SGCZ: variants seen among roughly 807,000 people sequenced by gnomAD.
SGCZ encodes the protein sarcoglycan zeta, also known as zeta-sarcoglycan.
In SGCZ, 40 loss-of-function variants were observed where a neutral mutation model predicts 41.3. The observed-to-expected ratio is 0.97, with a 90% confidence interval of 0.75 to 1.26. The LOEUF (loss-of-function observed/expected upper bound fraction) is 1.26, where lower values mean the gene tolerates loss of function less well. Among genes scored for constraint, SGCZ ranks in the 50% most tolerant of loss-of-function variants. The pLI is 0.00. For missense variants in SGCZ, 552 were observed against 369.8 expected (o/e 1.49, Z -4.04); for synonymous variants, 206 against 137.5 (o/e 1.50, Z -3.49).
At chr8:15,125,186 G>C (rs537998309) in intron 1 of SGCZ, among the ~76,000 whole-genome samples, 1 of 151,998 alleles carries the variant, frequency 6.6e-6, no homozygotes, top group Non-Finnish European at 1.5e-5. Flanking sequence ...GGAGATGATC[G>C]AATTACAAAA....
At chr8:14,552,417 C>T (rs1440395761) in intron 2 of SGCZ, among the ~76,000 whole-genome samples, 2 of 152,024 alleles carry the variant, frequency 1.3e-5, no homozygotes, top group East Asian at 3.9e-4. Context: ...GTGCATTTTA[C>T]TTCAGCTACA....
chr8:14,238,291 G>T (rs1164169448), intron 3 of SGCZ, among the ~76,000 whole-genome samples: 1 of 152,154 alleles, frequency 6.6e-6, no homozygotes, highest in Non-Finnish European at 1.5e-5. Context: ...TGTCTATGCA[G>T]TTACGTCATT....
intron 1 of SGCZ, among the ~76,000 whole-genome samples, chr8:15,168,256 G>A (rs980002178): frequency 2.0e-5 from 3 of 152,192 alleles, no homozygotes; most frequent in Non-Finnish European, 4.4e-5. Flanking sequence ...GATGACAACA[G>A]AGCTTAAAAG....
chr8:14,283,637 A>G (rs951363658), intron 3 of SGCZ, among the ~76,000 whole-genome samples: 2 of 152,232 alleles, frequency 1.3e-5, no homozygotes, highest in African/African-American at 4.8e-5. Flanking sequence ...TAACCATGTT[A>G]TAATTCTCAA....
intron 1 of SGCZ, among the ~76,000 whole-genome samples, chr8:14,998,021 A>G (rs1000466952): frequency 5.9e-5 from 9 of 152,202 alleles, no homozygotes; most frequent in African/African-American, 1.2e-4. Context: ...AAGAAATGCA[A>G]CTTCCCAGTG....
At chr8:14,652,346 A>AAAGGGG (rs201135943) in intron 1 of SGCZ, among the ~76,000 whole-genome samples, 1 of 50,738 alleles carries the variant, frequency 2.0e-5, no homozygotes, top group Non-Finnish European at 3.4e-5. Context: ...AAAAAAAAAA[A>AAAGGGG]GGGGGGGGTG....
At chr8:14,138,465 G>C (rs1036843418) in intron 5 of SGCZ, among the ~76,000 whole-genome samples, 1 of 150,786 alleles carries the variant, frequency 6.6e-6, no homozygotes, top group Non-Finnish European at 1.5e-5. Context: ...GACACACATA[G>C]GCTCAAAATA....
chr8:14,199,276 CT>C (rs1805378021), intron 4 of SGCZ, among the ~76,000 whole-genome samples: 1 of 152,150 alleles, frequency 6.6e-6, no homozygotes, highest in Non-Finnish European at 1.5e-5. Flanking sequence ...AAATAAGCCC[CT>C]GTCTCCCATA....
chr8:14,835,867 T>C (rs2130613573), intron 1 of SGCZ, among the ~76,000 whole-genome samples: 1 of 152,318 alleles, frequency 6.6e-6, no homozygotes, highest in Non-Finnish European at 1.5e-5. Flanking sequence ...TTAAAAATAA[T>C]AATTTGCAAA....
At chr8:14,336,549 C>G (rs1239061223) in intron 2 of SGCZ, among the ~76,000 whole-genome samples, 1 of 152,172 alleles carries the variant, frequency 6.6e-6, no homozygotes, top group East Asian at 1.9e-4. Context: ...AATTTACACT[C>G]CCATCAACAG....
intron 1 of SGCZ, among the ~76,000 whole-genome samples, chr8:14,982,571 T>C (rs1032757058): frequency 6.6e-6 from 1 of 152,176 alleles, no homozygotes; most frequent in Non-Finnish European, 1.5e-5. Flanking sequence ...CTACCTCCTC[T>C]CTCCTCATTT....
chr8:15,009,150 G>A (rs1802729244), intron 1 of SGCZ, among the ~76,000 whole-genome samples: 1 of 152,114 alleles, frequency 6.6e-6, no homozygotes, highest in East Asian at 1.9e-4. Context: ...AAGAAAAGAG[G>A]TTTACTTAGC....
rs531803771 is a variant in SGCZ at position 14,990,769 on chromosome 8, G to A, written c.39+246816C>T. ...CCAAAACCATCCCAGTGCTAACTCG[G>A]TCTGTGGAAAAATTGTCTTCCATGA... On this transcript the variant is annotated intron_variant, in intron 1 of 7. Coordinates refer to ENST00000382080, the MANE Select transcript of SGCZ (RefSeq NM_139167.4). Among the ~76,000 whole-genome samples, 194 of 152,206 alleles carry A rather than the reference G, an allele frequency of 1.3e-3. 2 individuals are homozygous for A. The highest frequency in any genetic ancestry group is 2.2e-4 in the Non-Finnish European group (15 of 68,004).
chr8:14,130,097 A>G (rs1260082642), intron 5 of SGCZ, among the ~76,000 whole-genome samples: 1 of 152,234 alleles, frequency 6.6e-6, no homozygotes, highest in Non-Finnish European at 1.5e-5. Context: ...AACTACAGCA[A>G]TCAAATCAGT....
chr8:14,159,673 A>T (rs1803981653), intron 5 of SGCZ, among the ~76,000 whole-genome samples: 1 of 152,170 alleles, frequency 6.6e-6, no homozygotes. Flanking sequence ...CACCTAATCT[A>T]ATCACATTTC....
At chr8:14,163,665 G>C (rs1296290398) in intron 5 of SGCZ, among the ~76,000 whole-genome samples, 1 of 152,154 alleles carries the variant, frequency 6.6e-6, no homozygotes, top group South Asian at 2.1e-4. Flanking sequence ...GGCATCTAGA[G>C]TTGAATATAT....
intron 1 of SGCZ, among the ~76,000 whole-genome samples, chr8:15,181,489 A>G (rs917680470): frequency 1.3e-5 from 2 of 152,186 alleles, no homozygotes; most frequent in African/African-American, 2.4e-5. Flanking sequence ...GTTTCAGCTC[A>G]TACAAACAGT....
At position 14,712,177 on chromosome 8, in the gene SGCZ, G is replaced by C. The variant is rs187210077; in HGVS notation, c.40-157251C>G. On this transcript the variant is annotated intron_variant, in intron 1 of 7. Coordinates refer to ENST00000382080, the MANE Select transcript of SGCZ (RefSeq NM_139167.4). ...CCCCTAACTAGAAACTTTAAGACTA[G>C]CATTTCACTTTAATTAAGTATTTTC... 3.5e-3 allele frequency among the ~76,000 whole-genome samples: 532 copies of C among 152,224 alleles called. 5 individuals carry two copies. The highest frequency in any genetic ancestry group is 0.012 in the African/African-American group (507 of 41,506).
At chr8:14,488,806 C>T (rs1461868) in intron 2 of SGCZ, among the ~76,000 whole-genome samples, 33,682 of 151,484 alleles carry the variant, frequency 0.22, 3,761 homozygotes, top group Admixed American at 0.27. Context: ...ATAATCTTGA[C>T]CTCTTTTGCA....
Sources: allele counts gnomAD v4.1 joint callset (sites outside exome capture counted in the v4.1 genomes callset), GRCh38; gene constraint gnomAD v4.1.1; transcripts MANE v1.5; gene names NCBI Gene and HGNC (gene_info 2026-07-23, HGNC 2026-07-21).